Variants in UTRN observed in about 807,000 individuals in gnomAD.
UTRN encodes the protein dystrophin-related protein 1.
UTRN carries 283 observed loss-of-function variants against 463.9 expected under a neutral mutation model. The observed-to-expected ratio is 0.61, with a 90% CI of 0.55 to 0.67. The LOEUF (loss-of-function observed/expected upper bound fraction) is 0.67. Among genes scored for constraint, UTRN ranks in the 30% least tolerant of loss-of-function variants. The probability of loss-of-function intolerance (pLI) is 0.00; values close to 1 mark genes in which losing one functional copy is unlikely to be tolerated. For synonymous variants in UTRN, 1,442 were observed against 1,431.5 expected (o/e 1.01, Z -0.17); for missense variants, 3,922 against 4,084.3 (o/e 0.96, Z 1.08).
At chr6:144,516,193 A>C in intron 37 of UTRN, 36 bp from the exon 38 acceptor site, 1 of 1,597,404 alleles carries the variant, frequency 6.3e-7, no homozygotes, top group Non-Finnish European at 8.5e-7. Flanking sequence ...AGTCAAATTA[A>C]AAATCTATTT....
chr6:144,764,070 G>T (rs1203273945), intron 58 of UTRN, among the ~76,000 whole-genome samples: 3 of 152,152 alleles, frequency 2.0e-5, no homozygotes, highest in African/African-American at 7.2e-5. Context: ...CTTTCTAGTA[G>T]TCTGTGACTC....
At chr6:144,798,976 G>A (rs1444761267) in intron 64 of UTRN, among the ~76,000 whole-genome samples, 2 of 152,204 alleles carry the variant, frequency 1.3e-5, no homozygotes, top group Non-Finnish European at 2.9e-5. Context: ...TCCCGACCAT[G>A]TGATCTGTCC....
At chr6:144,643,046 T>G (rs1585741760) in intron 51 of UTRN, among the ~76,000 whole-genome samples, 2 of 152,210 alleles carry the variant, frequency 1.3e-5, no homozygotes, top group East Asian at 3.8e-4. Context: ...TATTGTTATT[T>G]TATAGTATCT....
chr6:144,640,459 T>A (rs1777652777), intron 51 of UTRN, among the ~76,000 whole-genome samples: 1 of 152,208 alleles, frequency 6.6e-6, no homozygotes, highest in Non-Finnish European at 1.5e-5. Flanking sequence ...CTTCCTAAAC[T>A]GATATCGTAC....
At chr6:144,614,588 C>T in intron 51 of UTRN, among the ~76,000 whole-genome samples, 1 of 152,086 alleles carries the variant, frequency 6.6e-6, no homozygotes, top group East Asian at 1.9e-4. Flanking sequence ...AATGAATGAA[C>T]AAGGGAATGA....
intron 49 of UTRN, among the ~76,000 whole-genome samples, chr6:144,555,540 C>T (rs1339285327): frequency 6.6e-6 from 1 of 152,230 alleles, no homozygotes; most frequent in Non-Finnish European, 1.5e-5. Flanking sequence ...TCCAGCGATT[C>T]TTGCCTCAGC....
At chr6:144,823,953 A>G (rs1043012650) in intron 66 of UTRN, among the ~76,000 whole-genome samples, 1 of 152,224 alleles carries the variant, frequency 6.6e-6, no homozygotes, top group Non-Finnish European at 1.5e-5. Context: ...GTTTAACTAC[A>G]GTTGCAGTTA....
intron 54 of UTRN, among the ~76,000 whole-genome samples, chr6:144,736,959 C>T (rs555016437): frequency 1.5e-3 from 231 of 152,268 alleles, no homozygotes; most frequent in African/African-American, 5.1e-3. Context: ...GTCATCCTGC[C>T]GGCTCTGCTG....
At chr6:144,455,322 G>T (rs1788711292) in intron 19 of UTRN, among the ~76,000 whole-genome samples, 1 of 151,920 alleles carries the variant, frequency 6.6e-6, no homozygotes, top group African/African-American at 2.4e-5. Context: ...CTTCCTGTGG[G>T]CATCCCACTT....
rs941673700 is a variant in UTRN, at chr6:144,425,413, A to G, written c.406-874A>G. Reference sequence around the variant, plus strand: ...TTGACTACCCTTTGTTATTAAAAGTATCGGGTGGGGATATACTTTGAGACT... The same window carrying G: ...TTGACTACCCTTTGTTATTAAAAGTGTCGGGTGGGGATATACTTTGAGACT... On this transcript the variant is annotated intron_variant, in intron 6 of 74. Coordinates refer to ENST00000367545, the MANE Select transcript of UTRN (RefSeq NM_007124.3). Among the ~76,000 whole-genome samples the G allele has an allele frequency of 5.2e-4, 79 of 152,204 alleles. 3 individuals are homozygous for G. Among genetic ancestry groups the G allele is most frequent in the Non-Finnish European group, 2.9e-5 (2 of 68,030 alleles).
At chr6:144,768,065 G>A (rs1793561614) in intron 58 of UTRN, among the ~76,000 whole-genome samples, 1 of 152,142 alleles carries the variant, frequency 6.6e-6, no homozygotes, top group African/African-American at 2.4e-5. Context: ...CTTCCACAGA[G>A]CAGTCATTTG....
chr6:144,329,084 CT>C (rs1223318985), intron 2 of UTRN, among the ~76,000 whole-genome samples: 11,654 of 133,188 alleles, frequency 0.088, 620 homozygotes, highest in African/African-American at 0.17. Context: ...CGCACCTGGC[CT>C]TTTTTTTTTT....
intron 51 of UTRN, among the ~76,000 whole-genome samples, chr6:144,609,622 A>T (rs78340399): frequency 0.027 from 4,160 of 152,274 alleles, 76 homozygotes; most frequent in Non-Finnish European, 0.04. Flanking sequence ...CAGCAACAGA[A>T]TACACGTTCT....
At chr6:144,392,667 A>T (rs1275471029) in intron 2 of UTRN, among the ~76,000 whole-genome samples, 1 of 152,190 alleles carries the variant, frequency 6.6e-6, no homozygotes, top group African/African-American at 2.4e-5. Context: ...CTGGAATGTT[A>T]TACTGGCTTG....
rs781765655 is a variant in UTRN at position 144,840,731 on chromosome 6, C to T, written c.10178-9C>T. On this transcript the variant is annotated splice_polypyrimidine_tract_variant and intron_variant, in intron 72 of 74. Coordinates refer to ENST00000367545, the MANE Select transcript of UTRN (RefSeq NM_007124.3). The stretch of plus-strand genomic sequence containing the variant: ...GAAGCTTTGTTGTTCTCTTTATTTG[C>T]TGTCACAGCGGGAGAGGACCTGCTG... The T allele has an allele frequency of 6.2e-7, 1 of 1,613,520 alleles. No homozygotes were observed. The highest frequency in any genetic ancestry group is 1.7e-5 in the Admixed American group (1 of 59,974).
At chr6:144,742,484 A>T (rs1474286856) in intron 54 of UTRN, among the ~76,000 whole-genome samples, 1 of 152,188 alleles carries the variant, frequency 6.6e-6, no homozygotes, top group Admixed American at 6.6e-5. Flanking sequence ...GGAAAGAGAG[A>T]GAGAAATAGG....
chr6:144,657,374 C>T (rs1306520718), intron 51 of UTRN, among the ~76,000 whole-genome samples: 1 of 151,730 alleles, frequency 6.6e-6, no homozygotes, highest in Non-Finnish European at 1.5e-5. Flanking sequence ...TCTACCTTAG[C>T]AGAGGATGTC....
At chr6:144,321,324 A>G (rs1775622260) in intron 2 of UTRN, among the ~76,000 whole-genome samples, 1 of 152,148 alleles carries the variant, frequency 6.6e-6, no homozygotes, top group African/African-American at 2.4e-5. Context: ...GATCCTCACA[A>G]TAACCCTATA....
chr6:144,624,997 A>T (rs1775804854), intron 51 of UTRN, among the ~76,000 whole-genome samples: 1 of 152,198 alleles, frequency 6.6e-6, no homozygotes, highest in Non-Finnish European at 1.5e-5. Flanking sequence ...AACAGAGGAA[A>T]ATAGTGCTTC....
Sources: gnomAD v4.1 joint callset for allele counts (sites outside exome capture counted in the v4.1 genomes callset) on GRCh38, gnomAD v4.1.1 for gene constraint, MANE v1.5 for transcripts, NCBI Gene and HGNC (gene_info 2026-07-23, HGNC 2026-07-21) for gene names.